Variants in GPHN observed in about 807,000 individuals in gnomAD.
GPHN encodes gephyrin.
In GPHN, 17 loss-of-function variants were observed where a neutral mutation model predicts 95.5. The ratio of observed to expected loss-of-function variants is 0.18; its 90% confidence interval spans 0.12 to 0.27. GPHN has a LOEUF of 0.27. GPHN is among the 10% of genes least tolerant of loss of function. The pLI is 1.00. For missense variants in GPHN, 660 were observed against 978.1 expected (o/e 0.67, Z 4.34); for synonymous variants, 320 against 322.5 (o/e 0.99, Z 0.08).
chr14:67,561,542 T>C, the GPHN span, among the ~76,000 whole-genome samples: 1 of 149,806 alleles, frequency 6.7e-6, no homozygotes, highest in Admixed American at 6.6e-5. Flanking sequence ...CCAGCCTGGG[T>C]GATAGAGCCA....
chr14:67,341,018 T>C, the GPHN span, among the ~76,000 whole-genome samples: 4 of 152,174 alleles, frequency 2.6e-5, no homozygotes, highest in Admixed American at 6.5e-5. Flanking sequence ...TGATCTCGGC[T>C]CGCTACAACC....
intron 19 of GPHN, among the ~76,000 whole-genome samples, chr14:67,164,129 G>A (rs1253860341): frequency 2.6e-5 from 4 of 151,658 alleles, no homozygotes; most frequent in African/African-American, 9.7e-5. Flanking sequence ...TTAGCCGGGC[G>A]TGGTGGCACG....
chr14:67,292,830 T>C, the GPHN span: 5 of 774,050 alleles, frequency 6.5e-6, no homozygotes, highest in East Asian at 1.1e-4. Context: ...AATTAATTAC[T>C]GTTAATTACA....
chr14:66,764,364 C>T (rs1198417068), intron 2 of GPHN, among the ~76,000 whole-genome samples: 1 of 151,916 alleles, frequency 6.6e-6, no homozygotes, highest in Non-Finnish European at 1.5e-5. Context: ...CTCAAGGATA[C>T]CCAGGGAGGA....
rs60787589 is a variant in GPHN, at chr14:66,572,482, C to CTGTG, written c.64+63913_64+63916dup. On this transcript the variant is annotated intron_variant, in intron 1 of 22. Transcript: ENST00000478722. ...CAATTCCTTGGTTAAATTTATTCCTCTGTGTGTGTGTGTGTGTGTGTGTGT... is the reference window on the plus strand; with the variant it reads ...CAATTCCTTGGTTAAATTTATTCCTCTGTGTGTGTGTGTGTGTGTGTGTGTGTGT... 3.1e-3 allele frequency among the ~76,000 whole-genome samples: 466 copies of CTGTG among 148,558 alleles called. 3 individuals carry two copies. Among genetic ancestry groups the CTGTG allele is most frequent in the African/African-American group, 9.8e-3 (401 of 40,866 alleles).
At chr14:67,412,136 C>T in the GPHN span, 8 of 1,283,906 alleles carry the variant, frequency 6.2e-6, no homozygotes, top group African/African-American at 1.6e-5. Context: ...GCGCAGCCCG[C>T]GCAGTCCGCG....
the GPHN span, among the ~76,000 whole-genome samples, chr14:67,554,394 G>T: frequency 6.6e-6 from 1 of 152,222 alleles, no homozygotes; most frequent in Admixed American, 6.5e-5. Context: ...TTAGAGAGGA[G>T]GTTGGGCTGG....
At chr14:67,607,880 G>T in the GPHN span, among the ~76,000 whole-genome samples, 1 of 152,138 alleles carries the variant, frequency 6.6e-6, no homozygotes, top group East Asian at 1.9e-4. Flanking sequence ...AGAGATAGAG[G>T]TATCCAGTAG....
intron 12 of GPHN, among the ~76,000 whole-genome samples, chr14:67,093,319 A>C (rs2077216066): frequency 6.6e-6 from 1 of 152,126 alleles, no homozygotes; most frequent in Non-Finnish European, 1.5e-5. Flanking sequence ...CATTTACCTC[A>C]CATACAGTGG....
chr14:67,475,770 G>A, the GPHN span, among the ~76,000 whole-genome samples: 1 of 152,124 alleles, frequency 6.6e-6, no homozygotes, highest in Non-Finnish European at 1.5e-5. Context: ...TTCAACGCCC[G>A]GCTCCCATGC....
At chr14:67,337,025 T>C in the GPHN span, among the ~76,000 whole-genome samples, 196 of 152,346 alleles carry the variant, frequency 1.3e-3, 1 homozygote, top group African/African-American at 4.7e-3. Context: ...CTTTTTAACT[T>C]AAGACTACTC....
chr14:66,921,371 G>T (rs529593685), intron 6 of GPHN, among the ~76,000 whole-genome samples: 2 of 150,788 alleles, frequency 1.3e-5, no homozygotes, highest in East Asian at 3.9e-4. Context: ...TTTTTCATAT[G>T]TTTGTTGGCC....
chr14:67,176,472 G>C (rs1029796887), intron 21 of GPHN, among the ~76,000 whole-genome samples: 1 of 152,102 alleles, frequency 6.6e-6, no homozygotes, highest in Non-Finnish European at 1.5e-5. Context: ...TGCTGGATTC[G>C]GCTTGCCAGT....
chr14:67,092,866 C>G (rs561226679), intron 12 of GPHN, among the ~76,000 whole-genome samples: 1 of 151,994 alleles, frequency 6.6e-6, no homozygotes, highest in Non-Finnish European at 1.5e-5. Flanking sequence ...TCACATTTTT[C>G]GATTTTGTTT....
the GPHN span, among the ~76,000 whole-genome samples, chr14:67,429,044 C>G: frequency 1.3e-5 from 2 of 152,180 alleles, no homozygotes; most frequent in African/African-American, 4.8e-5. Context: ...GACCCGTATT[C>G]TCTTGTTTTA....
intron 9 of GPHN, among the ~76,000 whole-genome samples, chr14:66,972,267 CAAAA>C (rs892888405): frequency 6.5e-5 from 3 of 46,270 alleles, no homozygotes; most frequent in South Asian, 6.8e-4. Flanking sequence ...GAGTCTGTCT[CAAAA>C]AAAAAAAAAA....
At chr14:67,388,328 G>C in the GPHN span, 1 of 1,483,246 alleles carries the variant, frequency 6.7e-7, no homozygotes, top group East Asian at 2.3e-5. Context: ...GACCCAATTA[G>C]GAATTTGTGA....
At chr14:67,706,378 G>C in the GPHN span, 1 of 152,226 alleles carries the variant, frequency 6.6e-6, no homozygotes, top group African/African-American at 2.4e-5. Context: ...GGTTGAGGAC[G>C]TGTCCCCACG....
intron 1 of GPHN, among the ~76,000 whole-genome samples, chr14:66,520,716 CT>C (rs1214352296): frequency 6.7e-6 from 1 of 148,988 alleles, no homozygotes; most frequent in African/African-American, 2.5e-5. Flanking sequence ...TTTTTTTAAA[CT>C]TTTATTTTAG....
Sources: allele counts gnomAD v4.1 joint callset (sites outside exome capture counted in the v4.1 genomes callset), GRCh38; gene constraint gnomAD v4.1.1; transcripts MANE v1.5; gene names NCBI Gene and HGNC (gene_info 2026-07-23, HGNC 2026-07-21).